Variants in SCML4 observed in about 807,000 individuals in gnomAD.
SCML4 encodes the protein sex comb on midleg-like protein 4.
Under a neutral mutation model 41.1 loss-of-function variants are expected in SCML4, and 34 were observed. The ratio of observed to expected loss-of-function variants is 0.83; its 90% CI spans 0.63 to 1.10. SCML4 has a LOEUF of 1.10. SCML4 is among the 50% of genes least tolerant of loss of function. The pLI is 0.00. For missense variants in SCML4, 522 were observed against 534.1 expected, an observed-to-expected ratio of 0.98 and a Z score of 0.22; for synonymous variants, 214 against 220.9, an observed-to-expected ratio of 0.97 and a Z score of 0.28.
At chr6:107,788,763 T>C (rs977212386) in intron 1 of SCML4, among the ~76,000 whole-genome samples, 5 of 152,168 alleles carry the variant, frequency 3.3e-5, no homozygotes, top group Non-Finnish European at 7.3e-5. Flanking sequence ...CATCATTGTA[T>C]GTACAGTCAC....
chr6:107,765,063 A>G (rs1779923884), intron 2 of SCML4, among the ~76,000 whole-genome samples: 1 of 152,184 alleles, frequency 6.6e-6, no homozygotes, highest in African/African-American at 2.4e-5. Context: ...CACTATCCTT[A>G]AATAAAGTAG....
chr6:107,759,587 T>G (rs1779415315), intron 2 of SCML4, among the ~76,000 whole-genome samples: 1 of 152,190 alleles, frequency 6.6e-6, no homozygotes, highest in Non-Finnish European at 1.5e-5. Flanking sequence ...TCTACATCTA[T>G]TCACAAAATC....
intron 6 of SCML4, among the ~76,000 whole-genome samples, chr6:107,717,143 CA>C (rs546258538): frequency 0.056 from 3,540 of 63,146 alleles, 79 homozygotes; most frequent in African/African-American, 0.11. Context: ...ACTAAAAATA[CA>C]AAAAAAAAAA....
chr6:107,749,910 A>G lies in SCML4; in HGVS notation c.157-97T>C, dbSNP rs1778471696. On this transcript the variant is annotated intron_variant, in intron 2 of 7. Coordinates refer to ENST00000369020, the MANE Select transcript of SCML4 (RefSeq NM_198081.5). ...GACGGCAGTTAACCATTGCTCTTCT[A>G]TCATGCTTCCACACCTTTCCATCCT... 6 of 1,273,210 alleles carry G rather than the reference A, an allele frequency of 4.7e-6. No individual in the cohort carries two copies. In the South Asian group the frequency reaches 5.0e-5, roughly 11 times the overall value. The allele number at this position is 1,273,210 out of a possible 1,614,324, so 78.9% of individuals were successfully genotyped here.
chr6:107,707,977 C>T lies in SCML4; in HGVS notation c.1008G>A (p.Arg336=), dbSNP rs1254760281. The change falls in exon 7 of 8, where the codon AGG becomes AGA. Residue 336 remains arginine (R), a synonymous_variant. Coordinates refer to ENST00000369020, the MANE Select transcript of SCML4 (RefSeq NM_198081.5). ...CGGAGGGGTTCCTGCTCCGTGGCCG[C>T]CTGGCATCCTGCGCATCCTGAGAAG... ...SSPSQDAQDA[R]RPRSRNPSAW... is the part of the protein sequence containing the mutation. 1.3e-6 allele frequency: 2 copies of T among 1,551,434 alleles called. No homozygotes were observed. The highest frequency in any genetic ancestry group is 4.9e-5 in the East Asian group (2 of 40,888).
At chr6:107,802,620 A>AAGGAAGGT (rs1554222294) in intron 1 of SCML4, among the ~76,000 whole-genome samples, 44 of 139,934 alleles carry the variant, frequency 3.1e-4, no homozygotes, top group African/African-American at 1.0e-3. Context: ...GGAAGGAAGG[A>AAGGAAGGT]AGGAAGGAAG....
chr6:107,795,290 C>T (rs1782623245), intron 1 of SCML4, among the ~76,000 whole-genome samples: 2 of 151,432 alleles, frequency 1.3e-5, no homozygotes, highest in Admixed American at 6.6e-5. Context: ...ATCTAATAGC[C>T]CTTCTTGTAA....
intron 1 of SCML4, among the ~76,000 whole-genome samples, chr6:107,813,667 A>G (rs1270459930): frequency 1.3e-5 from 2 of 152,190 alleles, no homozygotes; most frequent in East Asian, 1.9e-4. Context: ...ATAAGGCACA[A>G]TACAACAGAA....
At chr6:107,779,291 A>G (rs1476033775) in intron 1 of SCML4, among the ~76,000 whole-genome samples, 1 of 152,204 alleles carries the variant, frequency 6.6e-6, no homozygotes, top group Admixed American at 6.5e-5. Context: ...GTGGTCTAAC[A>G]GGTTTTGTAT....
intron 1 of SCML4, among the ~76,000 whole-genome samples, chr6:107,776,961 T>G (rs1330627013): frequency 1.3e-5 from 2 of 152,228 alleles, no homozygotes; most frequent in Non-Finnish European, 1.5e-5. Flanking sequence ...TACATATATT[T>G]TATGTATATA....
intron 5 of SCML4, among the ~76,000 whole-genome samples, chr6:107,727,210 A>G (rs553802770): frequency 6.6e-5 from 10 of 152,294 alleles, no homozygotes; most frequent in Non-Finnish European, 1.3e-4. Context: ...AGGCAAATCT[A>G]TACAGACAAA....
rs1482949880 is a variant in SCML4 at position 107,749,370 on chromosome 6, T to C, written c.286+314A>G. On this transcript the variant is annotated intron_variant, in intron 3 of 7. Transcript: ENST00000369020. ...AGCAGGCTTAGATCAGTGCAATGGA[T>C]CAGCGCACCCCAGCTCCTAAAAGAA... Among the ~76,000 whole-genome samples the C allele has an allele frequency of 2.6e-5, 4 of 151,940 alleles. No homozygotes were observed. In the South Asian group the frequency reaches 6.2e-4, roughly 24 times the overall value.
At chr6:107,842,146 TC>T in the SCML4 span, among the ~76,000 whole-genome samples, 9 of 152,188 alleles carry the variant, frequency 5.9e-5, no homozygotes, top group East Asian at 1.5e-3. Flanking sequence ...AGTATTTTTT[TC>T]ATTTGTCTTG....
intron 2 of SCML4, among the ~76,000 whole-genome samples, chr6:107,763,686 CGGGATTAG>C: frequency 6.6e-6 from 1 of 152,240 alleles, no homozygotes; most frequent in South Asian, 2.1e-4. Context: ...TGCGCCTGGC[CGGGATTAG>C]TGTTCTTAAA....
the SCML4 span, among the ~76,000 whole-genome samples, chr6:107,838,182 A>T: frequency 6.6e-6 from 1 of 152,132 alleles, no homozygotes; most frequent in Admixed American, 6.5e-5. Context: ...TTCTGGGATT[A>T]CAGGTGTGAG....
the SCML4 span, among the ~76,000 whole-genome samples, chr6:107,836,233 A>G: frequency 2.0e-5 from 3 of 152,176 alleles, no homozygotes; most frequent in Non-Finnish European, 2.9e-5. Context: ...TTCGAAAAAG[A>G]GTTCTATTGA....
chr6:107,727,721 G>C (rs1776133886), intron 5 of SCML4, among the ~76,000 whole-genome samples: 1 of 152,246 alleles, frequency 6.6e-6, no homozygotes, highest in Non-Finnish European at 1.5e-5. Context: ...CCTGGCTATG[G>C]AGCTATATAC....
At chr6:107,719,716 A>T (rs545637131) in intron 6 of SCML4, 1 of 166,942 alleles carries the variant, frequency 6.0e-6, no homozygotes, top group East Asian at 1.9e-4. Context: ...CAATCCTATG[A>T]GGCAGGTGCT....
rs145668478 is a variant in SCML4, at chr6:107,736,224, T to C, written c.682+8725A>G. 6.6e-5 allele frequency among the ~76,000 whole-genome samples: 10 copies of C among 152,314 alleles called. 1 individual carries two copies. In the East Asian group the frequency reaches 1.7e-3, roughly 26 times the overall value. ...AGAATTGATCTTCCTAGAGTGTAGT[T>C]TCCTCCTTGATTTTGCTAAATGAGG... is the stretch of plus-strand genomic sequence containing the variant. On this transcript the variant is annotated intron_variant, in intron 5 of 7. Coordinates refer to ENST00000369020, the MANE Select transcript of SCML4 (RefSeq NM_198081.5).
Sources: allele counts gnomAD v4.1 joint callset (sites outside exome capture counted in the v4.1 genomes callset), GRCh38; gene constraint gnomAD v4.1.1; transcripts MANE v1.5; gene names NCBI Gene and HGNC (gene_info 2026-07-23, HGNC 2026-07-21).